SLC39A11: variants seen among roughly 807,000 people sequenced by gnomAD.
SLC39A11 encodes solute carrier family 39 member 11.
Under a neutral mutation model 36.1 loss-of-function variants are expected in SLC39A11, and 33 were observed. The ratio of observed to expected loss-of-function variants is 0.91; its 90% CI spans 0.69 to 1.22. SLC39A11 has a LOEUF of 1.22. SLC39A11 is among the 50% of genes most tolerant of loss of function. SLC39A11 has a pLI of 0.00. For missense variants in SLC39A11, 432 were observed against 430.3 expected, an observed-to-expected ratio of 1.00 and a Z score of -0.03; for synonymous variants, 166 against 170.3, an observed-to-expected ratio of 0.97 and a Z score of 0.20.
intron 6 of SLC39A11, among the ~76,000 whole-genome samples, chr17:72,848,330 A>G (rs1458343239): frequency 6.6e-6 from 1 of 152,218 alleles, no homozygotes; most frequent in Non-Finnish European, 1.5e-5. Flanking sequence ...ATCATTTCCT[A>G]TGCTTAATCA....
At chr17:72,924,485 A>G (rs544259249) in intron 5 of SLC39A11, among the ~76,000 whole-genome samples, 59 of 152,254 alleles carry the variant, frequency 3.9e-4, no homozygotes, top group Non-Finnish European at 6.9e-4. Flanking sequence ...AAAATTGATC[A>G]TTGTTTAGCA....
At chr17:72,669,767 G>A (rs920174438) in intron 7 of SLC39A11, among the ~76,000 whole-genome samples, 2 of 152,020 alleles carry the variant, frequency 1.3e-5, no homozygotes, top group African/African-American at 2.4e-5. Context: ...ACTGAGGGGG[G>A]CAGACTGCTT....
intron 7 of SLC39A11, among the ~76,000 whole-genome samples, chr17:72,699,025 T>G (rs1242263386): frequency 3.9e-5 from 6 of 152,136 alleles, no homozygotes; most frequent in Non-Finnish European, 8.8e-5. Flanking sequence ...GAGACGGGGT[T>G]TCACCATGTT....
intron 4 of SLC39A11, among the ~76,000 whole-genome samples, chr17:73,012,418 C>T (rs1206792503): frequency 1.3e-5 from 2 of 152,172 alleles, no homozygotes; most frequent in Non-Finnish European, 2.9e-5. Context: ...TATACACCTA[C>T]TACGCAGCCA....
chr17:72,972,368 T>C (rs1037463570), intron 4 of SLC39A11, among the ~76,000 whole-genome samples: 5 of 152,120 alleles, frequency 3.3e-5, no homozygotes, highest in Non-Finnish European at 5.9e-5. Flanking sequence ...ATTTCATAGA[T>C]GTGTTCTGTG....
At chr17:73,054,899 T>C (rs545816701) in intron 3 of SLC39A11, among the ~76,000 whole-genome samples, 72 of 151,018 alleles carry the variant, frequency 4.8e-4, no homozygotes, top group Middle Eastern at 3.5e-3. Context: ...TGGAGGGGGC[T>C]CAGAAATTAA....
At chr17:72,740,056 CTTTTTTTTTTTT>C (rs386386565) in intron 6 of SLC39A11, among the ~76,000 whole-genome samples, 1 of 81,462 alleles carries the variant, frequency 1.2e-5, no homozygotes, top group African/African-American at 5.2e-5. Flanking sequence ...CTTTCCTTTT[CTTTTTTTTTTTT>C]TTTTTTTTTT....
At chr17:72,998,856 T>G (rs1356137288) in intron 4 of SLC39A11, among the ~76,000 whole-genome samples, 6 of 151,936 alleles carry the variant, frequency 3.9e-5, no homozygotes, top group Non-Finnish European at 5.9e-5. Flanking sequence ...TTCTGAGAGG[T>G]GGAAGGGAGA....
chr17:72,895,940 T>C (rs1461689538), intron 5 of SLC39A11, among the ~76,000 whole-genome samples: 2 of 152,100 alleles, frequency 1.3e-5, no homozygotes, highest in East Asian at 3.9e-4. Context: ...AATTAGCGCT[T>C]AATAAAGTGC....
At chr17:73,029,228 G>A (rs931560286) in intron 4 of SLC39A11, among the ~76,000 whole-genome samples, 5 of 151,660 alleles carry the variant, frequency 3.3e-5, no homozygotes, top group South Asian at 2.1e-4. Context: ...ATCTGATACC[G>A]CCCCACCACC....
intron 7 of SLC39A11, among the ~76,000 whole-genome samples, chr17:72,723,190 G>A (rs1039216636): frequency 6.6e-6 from 1 of 152,192 alleles, no homozygotes; most frequent in African/African-American, 2.4e-5. Context: ...GCTCAGTCAG[G>A]TTGTCAGGTG....
chr17:72,980,191 TTGGTGGCTCAAGACAAAATTAG>T (rs2088193907), intron 4 of SLC39A11, among the ~76,000 whole-genome samples: 1 of 152,202 alleles, frequency 6.6e-6, no homozygotes, highest in Non-Finnish European at 1.5e-5. Context: ...GGTATTTTGT[TTGGTGGCTCAAGACAAAATTAG>T]TGGTGGCTCA....
chr17:73,060,210 C>CAAAAA (rs33931672), intron 3 of SLC39A11, among the ~76,000 whole-genome samples: 30 of 70,250 alleles, frequency 4.3e-4, no homozygotes, highest in African/African-American at 7.3e-4. Context: ...AACTCCATCT[C>CAAAAA]AAAAAAAAAA....
chr17:72,910,823 A>G (rs2082944630), intron 5 of SLC39A11, among the ~76,000 whole-genome samples: 2 of 150,320 alleles, frequency 1.3e-5, no homozygotes, highest in African/African-American at 4.9e-5. Flanking sequence ...GCTACTCAGG[A>G]GGCTGAGGCA....
At chr17:72,704,341 T>C (rs949354449) in intron 7 of SLC39A11, among the ~76,000 whole-genome samples, 3 of 152,194 alleles carry the variant, frequency 2.0e-5, no homozygotes, top group African/African-American at 7.2e-5. Context: ...AGCACCTCGA[T>C]TTGGACCTAG....
chr17:72,973,324 C>T lies in SLC39A11; in HGVS notation c.307-25449G>A, dbSNP rs1452306807. On this transcript the variant is annotated intron_variant, in intron 4 of 9. Coordinates refer to ENST00000255559, the MANE Select transcript of SLC39A11 (RefSeq NM_139177.4). ...AGTGGCCCCAGCACTGCCGGGGGGG[C>T]ACCAGGCTACTCTGTCACCTGAGTG... Among the ~76,000 whole-genome samples the T allele has an allele frequency of 1.1e-4, 16 of 146,474 alleles. No homozygotes were observed. In the Admixed American group the frequency reaches 1.1e-3, roughly 10 times the overall value.
intron 4 of SLC39A11, among the ~76,000 whole-genome samples, chr17:73,012,937 T>G (rs952366342): frequency 3.3e-5 from 5 of 151,994 alleles, no homozygotes; most frequent in Non-Finnish European, 5.9e-5. Context: ...TAGCTGAGAC[T>G]ACAAGTGCGA....
chr17:72,861,674 TATATATATATATATAAA>T (rs2080019177), intron 5 of SLC39A11, among the ~76,000 whole-genome samples: 1 of 121,654 alleles, frequency 8.2e-6, no homozygotes, highest in East Asian at 2.8e-4. Flanking sequence ...TATATATATA[TATATATATATATATAAA>T]ATATATATAT....
intron 6 of SLC39A11, among the ~76,000 whole-genome samples, chr17:72,842,541 GTGATTTTTA>G (rs2078864370): frequency 6.6e-6 from 1 of 152,164 alleles, no homozygotes; most frequent in Admixed American, 6.5e-5. Flanking sequence ...CAATTGCTAG[GTGATTTTTA>G]ATGCCATTCA....
Sources: gnomAD v4.1 joint callset for allele counts (sites outside exome capture counted in the v4.1 genomes callset) on GRCh38, gnomAD v4.1.1 for gene constraint, MANE v1.5 for transcripts, NCBI Gene and HGNC (gene_info 2026-07-23, HGNC 2026-07-21) for gene names.